The following SETD9 variants were observed in gnomAD, a reference collection of about 807,000 sequenced individuals.
The protein encoded by SETD9 is SET domain containing 9.
SETD9 carries 37 observed loss-of-function variants against 36.4 expected under a neutral mutation model. The ratio of observed to expected loss-of-function variants is 1.02; its 90% confidence interval spans 0.78 to 1.34. The LOEUF is 1.34. SETD9 is among the 40% of genes most tolerant of loss of function. The pLI is 0.00. For missense variants in SETD9, 323 were observed against 353.2 expected, an observed-to-expected ratio of 0.91 and a Z score of 0.69; for synonymous variants, 128 against 132.9, an observed-to-expected ratio of 0.96 and a Z score of 0.26.
chr5:56,925,740 A>G (rs554266888), downstream of SETD9, among the ~76,000 whole-genome samples: 3 of 152,268 alleles, frequency 2.0e-5, no homozygotes, highest in East Asian at 5.8e-4. Context: ...TTTTGTGGGT[A>G]TCAACAAACT....
intron 1 of SETD9, chr5:56,910,764 AT>A (rs1291362432): frequency 5.4e-6 from 1 of 183,502 alleles, no homozygotes; most frequent in Non-Finnish European, 1.2e-5. Flanking sequence ...ATGTGAGGTC[AT>A]TCATTCTCAT....
downstream of SETD9, chr5:56,919,458 C>CCAA (rs1749560446): frequency 6.6e-6 from 1 of 152,088 alleles, no homozygotes; most frequent in Non-Finnish European, 1.5e-5. Flanking sequence ...ATTTAATCTA[C>CCAA]CAACTTCACT....
intron 5 of SETD9, 48 bp downstream of exon 5, chr5:56,915,014 T>TA (rs760887870): frequency 7.6e-6 from 10 of 1,319,896 alleles, no homozygotes; most frequent in Admixed American, 7.0e-5. Context: ...ATGCTGTACT[T>TA]AAAAAAATAT....
At chr5:56,918,924 T>C (rs1040404150), downstream of SETD9, among the ~76,000 whole-genome samples, 3 of 152,240 alleles carry the variant, frequency 2.0e-5, no homozygotes, top group African/African-American at 4.8e-5. Flanking sequence ...TTAGGAAAGA[T>C]AGATATGACT....
rs769881879 is a variant in SETD9, at chr5:56,911,901, C to T, written c.466+365C>T. 3.9e-5 allele frequency among the ~76,000 whole-genome samples: 6 copies of T among 152,136 alleles called. No individual in the cohort carries two copies. The South Asian group carries it at 6.2e-4, about 16-fold the overall frequency. On this transcript the variant is annotated intron_variant, in intron 2 of 5. Coordinates refer to ENST00000285947, the MANE Select transcript of SETD9 (RefSeq NM_153706.4). ...AAAAATGGTATGGATAGGCTCACGC[C>T]GGTAATCCCAGCACTTTGGGAGGCC...
rs1335160095 is a variant in SETD9, at chr5:56,916,887, C to T, written c.885C>T (p.Tyr295=). The change falls in exon 6 of 6, where the codon TAC becomes TAT. Residue 295 remains tyrosine, a synonymous_variant. Coordinates refer to ENST00000285947, the MANE Select transcript of SETD9 (RefSeq NM_153706.4). ...NQGEELFSNY[Y]TIVS The stretch of plus-strand genomic sequence containing the variant: ...GAGAAGAGCTTTTTTCAAACTACTA[C>T]ACAATTGTCAGCTAACTCTGTGAAT... 1 of 1,603,402 alleles carries T rather than the reference C, an allele frequency of 6.2e-7. No individual in the cohort carries two copies. The highest frequency in any genetic ancestry group is 2.2e-5 in the East Asian group (1 of 44,462).
chr5:56,919,801 A>C (rs972998132), downstream of SETD9: 20 of 152,746 alleles, frequency 1.3e-4, no homozygotes, highest in African/African-American at 4.8e-4. Flanking sequence ...ACTTATTTCA[A>C]ACTGGGACAA....
rs768087133 is a variant in SETD9 at position 56,923,371 on chromosome 5, C to T, written c.813-1962C>T. 2.2e-5 allele frequency: 36 copies of T among 1,614,042 alleles called. No individual in the cohort carries two copies. In the Admixed American group the frequency reaches 3.5e-4, roughly 16 times the overall value. On this transcript the variant is annotated intron_variant, in intron 5 of 5. Coordinates refer to the SETD9 transcript ENST00000628593. ...CTGGTCTCTCTGACTCTTCACTGCACATGTTCATAGGGTTTAGCTCCGAGT... is the reference window on the plus strand; with the variant it reads ...CTGGTCTCTCTGACTCTTCACTGCATATGTTCATAGGGTTTAGCTCCGAGT...
intron 2 of SETD9, 91 bp from the exon 3 acceptor site, chr5:56,912,920 G>T (rs1354491161): frequency 2.2e-6 from 3 of 1,358,324 alleles, no homozygotes; most frequent in Non-Finnish European, 2.0e-6. Flanking sequence ...TAACTAAAGA[G>T]AATGTGATTA....
In SETD9 at chr5:56,910,945, T is replaced by C; in HGVS notation, c.99-224T>C. On this transcript the variant is annotated intron_variant, in intron 1 of 5. Coordinates refer to ENST00000285947, the MANE Select transcript of SETD9 (RefSeq NM_153706.4). The stretch of plus-strand genomic sequence containing the variant: ...AATGTAAGGACCCCACAGCATGTGG[T>C]ATAGAATGGGCCTTTCATAAGTACT... The C allele has an allele frequency of 5.5e-6, 2 of 363,604 alleles. 1 individual carries two copies. The highest frequency in any genetic ancestry group is 1.1e-4 in the South Asian group (2 of 17,438). The allele number at this position is 363,604 out of a possible 1,614,324, so 22.5% of individuals were successfully genotyped here.
Position 56,917,037 on chromosome 5 carries a change from T to C in SETD9, c.*135T>C, listed in dbSNP as rs536836152. 52 of 1,345,916 alleles carry C rather than the reference T, an allele frequency of 3.9e-5. 2 individuals carry two copies. The South Asian group carries it at 1.0e-3, about 27-fold the overall frequency. The allele number at this position is 1,345,916 out of a possible 1,614,324, so 83.4% of individuals were successfully genotyped here. The stretch of plus-strand genomic sequence containing the variant: ...TTGGAATAGGAATTTCTTATGTTTT[T>C]GTTGATATTATATTTATGTTCCAAT... On this transcript the variant is annotated 3_prime_UTR_variant, in exon 6 of 6. Transcript: ENST00000285947.
upstream of SETD9, chr5:56,909,400 G>T (rs773208068): frequency 1.2e-4 from 49 of 401,390 alleles, no homozygotes; most frequent in Non-Finnish European, 2.0e-4. Context: ...CGAGCGACCG[G>T]AGAAAGAAAA....
chr5:56,921,233 T>C (rs1158167943), downstream of SETD9: 1 of 152,524 alleles, frequency 6.6e-6, no homozygotes, highest in Non-Finnish European at 1.5e-5. Flanking sequence ...GTTATAACAA[T>C]GGAAGATTAT....
chr5:56,911,010 A>T, intron 1 of SETD9, 159 bp from the exon 2 acceptor site: 1 of 735,686 alleles, frequency 1.4e-6, no homozygotes, highest in East Asian at 3.0e-5. Context: ...AGCTAACTAG[A>T]ACTCCCTCAA....
At chr5:56,910,423 C>A (rs778508757) in intron 1 of SETD9, 6 of 1,301,524 alleles carry the variant, frequency 4.6e-6, no homozygotes, top group Non-Finnish European at 6.1e-6. Flanking sequence ...ATTAAGGGCG[C>A]ACCAGTGATC....
At chr5:56,910,020 C>A in intron 1 of SETD9, 1 of 1,353,646 alleles carries the variant, frequency 7.4e-7, no homozygotes, top group Non-Finnish European at 9.5e-7. Flanking sequence ...TGGGCGGGGC[C>A]TATGGCCTCT....
At chr5:56,911,014 C>G (rs1749089694) in intron 1 of SETD9, 155 bp from the exon 2 acceptor site, 1 of 787,972 alleles carries the variant, frequency 1.3e-6, no homozygotes, top group Admixed American at 3.4e-5. Context: ...AACTAGAACT[C>G]CCTCAAACAA....
chr5:56,916,087 G>A (rs764681037), intron 5 of SETD9, among the ~76,000 whole-genome samples: 2 of 152,032 alleles, frequency 1.3e-5, no homozygotes, highest in Non-Finnish European at 1.5e-5. Context: ...TTAGAACTTT[G>A]AATGTATATA....
At chr5:56,920,086 C>T (rs1475115185), downstream of SETD9, 1 of 152,546 alleles carries the variant, frequency 6.6e-6, no homozygotes, top group Non-Finnish European at 1.5e-5. Flanking sequence ...TCACTATGCT[C>T]TATTAGATCT....
Sources: gnomAD v4.1 joint callset for allele counts (sites outside exome capture counted in the v4.1 genomes callset) on GRCh38, gnomAD v4.1.1 for gene constraint, MANE v1.5 for transcripts, NCBI Gene and HGNC (gene_info 2026-07-23, HGNC 2026-07-21) for gene names.